PTPRD: variants seen among roughly 807,000 people sequenced by gnomAD.
PTPRD encodes protein tyrosine phosphatase receptor type D.
A neutral mutation model predicts 214.5 loss-of-function variants in PTPRD; 34 were observed. That is an observed-to-expected ratio of 0.16 (90% CI 0.12 to 0.21). The LOEUF (loss-of-function observed/expected upper bound fraction) is 0.21, where lower values mean the gene tolerates loss of function less well. PTPRD is among the 10% of genes least tolerant of loss of function. The probability of loss-of-function intolerance (pLI) is 1.00; values close to 1 mark genes in which losing one functional copy is unlikely to be tolerated. For missense variants in PTPRD, 2,545 were observed against 2,398.7 expected (o/e 1.06, Z -1.27); for synonymous variants, 1,128 against 845.7 (o/e 1.33, Z -5.79).
At chr9:8,553,394 G>A (rs1466626390) in intron 14 of PTPRD, among the ~76,000 whole-genome samples, 1 of 152,136 alleles carries the variant, frequency 6.6e-6, no homozygotes, top group Non-Finnish European at 1.5e-5. Flanking sequence ...GGCGTGGCGT[G>A]AAAACAAGGA....
At chr9:8,942,738 T>C (rs1262419898) in intron 11 of PTPRD, among the ~76,000 whole-genome samples, 2 of 152,154 alleles carry the variant, frequency 1.3e-5, no homozygotes, top group African/African-American at 4.8e-5. Flanking sequence ...TCTATGCTTG[T>C]TCTTGATCAG....
At chr9:9,619,475 C>T (rs1402979892) in intron 7 of PTPRD, among the ~76,000 whole-genome samples, 1 of 147,310 alleles carries the variant, frequency 6.8e-6, no homozygotes, top group East Asian at 2.0e-4. Context: ...TATATATTCA[C>T]ATATTCTATA....
intron 10 of PTPRD, among the ~76,000 whole-genome samples, chr9:9,073,609 C>A (rs570875492): frequency 1.3e-4 from 20 of 152,276 alleles, no homozygotes; most frequent in African/African-American, 4.6e-4. Flanking sequence ...CAGACTGCAA[C>A]ATAGAAATTC....
At chr9:10,175,993 C>A (rs1282702966) in intron 3 of PTPRD, among the ~76,000 whole-genome samples, 1 of 151,870 alleles carries the variant, frequency 6.6e-6, no homozygotes, top group Non-Finnish European at 1.5e-5. Flanking sequence ...AACTAAACTG[C>A]AAATGGCTTG....
chr9:8,534,235 C>T (rs1352322906), intron 14 of PTPRD, among the ~76,000 whole-genome samples: 1 of 151,902 alleles, frequency 6.6e-6, no homozygotes, highest in Non-Finnish European at 1.5e-5. Context: ...GTGTCAGAAG[C>T]ATGACCACAT....
At chr9:10,039,263 A>AT in intron 3 of PTPRD, among the ~76,000 whole-genome samples, 1 of 152,210 alleles carries the variant, frequency 6.6e-6, no homozygotes, top group East Asian at 1.9e-4. Flanking sequence ...TTTAATTTGA[A>AT]TCAACAGAAA....
chr9:9,434,432 A>G (rs1418275168), intron 8 of PTPRD, among the ~76,000 whole-genome samples: 4 of 152,194 alleles, frequency 2.6e-5, no homozygotes, highest in Non-Finnish European at 5.9e-5. Context: ...TAAAATGGCT[A>G]CGCTGCCCAA....
intron 3 of PTPRD, among the ~76,000 whole-genome samples, chr9:10,278,834 G>C (rs958108769): frequency 6.6e-6 from 1 of 151,796 alleles, no homozygotes; most frequent in East Asian, 1.9e-4. Context: ...GAGTGCAGTA[G>C]CGCGATCTCG....
At position 9,180,452 on chromosome 9, in the gene PTPRD, TG is replaced by T. The variant is rs1458597659; in HGVS notation, c.-143+2851del. The stretch of plus-strand genomic sequence containing the variant: ...TCACACAGTGGGGCCTGTTGTGGGG[TG>T]GGGGGAGGGCGGAGGGATAGCATTA... On this transcript the variant is annotated intron_variant, in intron 10 of 45. Coordinates refer to ENST00000381196, the MANE Select transcript of PTPRD (RefSeq NM_002839.4). Among the ~76,000 whole-genome samples, 121 of 63,190 alleles carry T rather than the reference TG, an allele frequency of 1.9e-3. 4 individuals are homozygous for T. Among genetic ancestry groups the T allele is most frequent in the African/African-American group, 7.7e-3 (119 of 15,480 alleles). 41.5% of individuals were successfully genotyped at this position (63,190 alleles called of 152,430 possible).
chr9:10,075,667 C>A (rs1478509992), intron 3 of PTPRD, among the ~76,000 whole-genome samples: 1 of 151,280 alleles, frequency 6.6e-6, no homozygotes, highest in African/African-American at 2.4e-5. Flanking sequence ...ATCTTTGTTT[C>A]TCTCATTTTC....
chr9:10,531,113 C>T (rs1025457550), intron 2 of PTPRD, among the ~76,000 whole-genome samples: 2 of 152,054 alleles, frequency 1.3e-5, no homozygotes, highest in African/African-American at 4.8e-5. Flanking sequence ...CCACGCCCGG[C>T]TAATTTTTGT....
At chr9:10,167,694 T>C (rs551410323) in intron 3 of PTPRD, among the ~76,000 whole-genome samples, 133 of 152,214 alleles carry the variant, frequency 8.7e-4, no homozygotes, top group Non-Finnish European at 1.1e-3. Context: ...AGGCTATCCA[T>C]TTTGTTTCCC....
chr9:10,235,146 A>G (rs1443021405), intron 3 of PTPRD, among the ~76,000 whole-genome samples: 1 of 152,016 alleles, frequency 6.6e-6, no homozygotes, highest in Non-Finnish European at 1.5e-5. Context: ...TTTAACAATT[A>G]ACTTACTTCA....
intron 11 of PTPRD, among the ~76,000 whole-genome samples, chr9:8,792,802 T>C (rs756716941): frequency 4.6e-5 from 7 of 152,150 alleles, no homozygotes; most frequent in Non-Finnish European, 1.0e-4. Flanking sequence ...TTTGCCCCTT[T>C]TTCCTTTTCT....
At chr9:10,509,557 T>TTTTATATATATATATATA (rs1555449948) in intron 2 of PTPRD, among the ~76,000 whole-genome samples, 8 of 106,690 alleles carry the variant, frequency 7.5e-5, no homozygotes, top group Middle Eastern at 4.9e-3. Flanking sequence ...TTAATAAATA[T>TTTTATATATATATATATA]TATATATATA....
chr9:9,253,153 T>G (rs2099976167), intron 9 of PTPRD, among the ~76,000 whole-genome samples: 1 of 152,054 alleles, frequency 6.6e-6, no homozygotes, highest in South Asian at 2.1e-4. Context: ...TATCTCTATT[T>G]TTGAAGTACC....
intron 3 of PTPRD, among the ~76,000 whole-genome samples, chr9:10,267,384 T>C (rs1339612327): frequency 6.6e-6 from 1 of 152,010 alleles, no homozygotes; most frequent in African/African-American, 2.4e-5. Context: ...GAAGCAACTA[T>C]GGTTTAAGCA....
intron 2 of PTPRD, among the ~76,000 whole-genome samples, chr9:10,537,840 A>G (rs2058195341): frequency 6.6e-6 from 1 of 152,166 alleles, no homozygotes; most frequent in Admixed American, 6.6e-5. Context: ...CTATGCAGGT[A>G]TCCTAAAGAT....
intron 10 of PTPRD, among the ~76,000 whole-genome samples, chr9:9,051,287 A>T (rs1481675094): frequency 1.3e-5 from 2 of 152,190 alleles, no homozygotes. Context: ...TTTGTTTTTA[A>T]ACCTGAAGGT....
Sources: gnomAD v4.1 joint callset for allele counts (sites outside exome capture counted in the v4.1 genomes callset) on GRCh38, gnomAD v4.1.1 for gene constraint, MANE v1.5 for transcripts, NCBI Gene and HGNC (gene_info 2026-07-23, HGNC 2026-07-21) for gene names.